FGF12: variants seen among roughly 807,000 people sequenced by gnomAD.
FGF12 encodes the protein fibroblast growth factor 12.
In FGF12, 14 loss-of-function variants were observed where a neutral mutation model predicts 23.6. The ratio of observed to expected loss-of-function variants is 0.59; its 90% confidence interval spans 0.39 to 0.93. FGF12 has a LOEUF of 0.93. Among genes scored for constraint, FGF12 ranks in the 40% least tolerant of loss-of-function variants. FGF12 has a pLI of 0.00. For missense variants in FGF12, 175 were observed against 217.8 expected, an observed-to-expected ratio of 0.80 and a Z score of 1.24; for synonymous variants, 62 against 77.3, an observed-to-expected ratio of 0.80 and a Z score of 1.04.
At chr3:192,149,108 C>T (rs1713893277) in intron 5 of FGF12, among the ~76,000 whole-genome samples, 1 of 152,124 alleles carries the variant, frequency 6.6e-6, no homozygotes, top group Admixed American at 6.5e-5. Context: ...AGTTAATATA[C>T]TTAGTTAATT....
chr3:192,646,701 G>A (rs1716017475), intron 2 of FGF12, among the ~76,000 whole-genome samples: 2 of 152,114 alleles, frequency 1.3e-5, no homozygotes, highest in South Asian at 2.1e-4. Flanking sequence ...GCTGCCAGGT[G>A]CTAGGGAGAG....
At chr3:192,208,867 G>A (rs182102170) in intron 4 of FGF12, among the ~76,000 whole-genome samples, 18 of 152,286 alleles carry the variant, frequency 1.2e-4, no homozygotes, top group African/African-American at 4.1e-4. Flanking sequence ...GTCTATAAGT[G>A]TCTCACTCGG....
intron 2 of FGF12, among the ~76,000 whole-genome samples, chr3:192,660,366 G>C (rs1167613180): frequency 3.5e-5 from 4 of 112,810 alleles, no homozygotes; most frequent in African/African-American, 1.3e-4. Context: ...GTTGTGGGGT[G>C]GGGGGAGGGG....
intron 2 of FGF12, among the ~76,000 whole-genome samples, chr3:192,596,400 A>T (rs2654692): frequency 0.33 from 50,049 of 151,796 alleles, 8,555 homozygotes; most frequent in African/African-American, 0.41. Flanking sequence ...ACACCTATTG[A>T]CTTACAATGA....
At chr3:192,321,096 A>C (rs1472891170) in intron 4 of FGF12, among the ~76,000 whole-genome samples, 1 of 152,112 alleles carries the variant, frequency 6.6e-6, no homozygotes, top group Non-Finnish European at 1.5e-5. Flanking sequence ...GAAGACCCAC[A>C]TAAGTAAAAT....
At chr3:192,594,230 T>G (rs941680671) in intron 2 of FGF12, among the ~76,000 whole-genome samples, 1 of 151,894 alleles carries the variant, frequency 6.6e-6, no homozygotes, top group Non-Finnish European at 1.5e-5. Context: ...ATGAATGGGC[T>G]AGTTTTAGAG....
At chr3:192,674,862 G>C (rs1447424514) in intron 2 of FGF12, among the ~76,000 whole-genome samples, 1 of 152,208 alleles carries the variant, frequency 6.6e-6, no homozygotes, top group Non-Finnish European at 1.5e-5. Context: ...GCCCACTGGG[G>C]TTTACAGTTT....
rs9810052 is a variant in FGF12, at chr3:192,409,030, A to G, written c.14-48492T>C. 7.3e-3 allele frequency: 7,124 copies of G among 982,450 alleles called. 392 individuals carry two copies. In the African/African-American group the frequency reaches 0.12, roughly 16 times the overall value. The allele number at this position is 982,450 out of a possible 1,614,324, so 60.9% of individuals were successfully genotyped here. On this transcript the variant is annotated intron_variant, in intron 2 of 5. Transcript: ENST00000445105. This position sits in a 1 kb window ranked among gnomAD's most constrained non-coding sequence, Gnocchi z 4.8. ...AGCTGTTTCCAGCTGCGGTGAGAGCAACTCCCGGCCAGCAGCACTGCAAAG... is the reference window on the plus strand; with the variant it reads ...AGCTGTTTCCAGCTGCGGTGAGAGCGACTCCCGGCCAGCAGCACTGCAAAG...
intron 4 of FGF12, among the ~76,000 whole-genome samples, chr3:192,331,311 C>CAAAAAAAA (rs201997868): frequency 5.2e-5 from 5 of 95,970 alleles, no homozygotes; most frequent in Admixed American, 1.2e-4. Flanking sequence ...GGAGTTTTCT[C>CAAAAAAAA]AAAAAAAAAA....
chr3:192,501,749 A>G (rs1453540723), intron 2 of FGF12, among the ~76,000 whole-genome samples: 1 of 152,264 alleles, frequency 6.6e-6, no homozygotes, highest in African/African-American at 2.4e-5. Context: ...AGTCTCTGCT[A>G]GAACAATGAC....
intron 2 of FGF12, among the ~76,000 whole-genome samples, chr3:192,631,262 A>T (rs62293029): frequency 0.33 from 49,951 of 151,918 alleles, 9,243 homozygotes; most frequent in African/African-American, 0.51. Flanking sequence ...TTCAGGCTAG[A>T]CACTAGGTCC....
intron 4 of FGF12, among the ~76,000 whole-genome samples, chr3:192,225,230 C>A (rs533948346): frequency 6.6e-6 from 1 of 152,266 alleles, no homozygotes; most frequent in African/African-American, 2.4e-5. Flanking sequence ...AATCTCAAAA[C>A]CTCAGTATGC....
At chr3:192,227,086 A>T (rs1192917934) in intron 4 of FGF12, among the ~76,000 whole-genome samples, 2 of 152,140 alleles carry the variant, frequency 1.3e-5, no homozygotes, top group Non-Finnish European at 2.9e-5. Context: ...CCCAGCTTCC[A>T]GAACTGTGAC....
rs145661621 is a variant in FGF12 at position 192,649,131 on chromosome 3, C to T, written c.13+78050G>A. Among the ~76,000 whole-genome samples the T allele has an allele frequency of 8.8e-3, 1,337 of 152,238 alleles. 25 individuals are homozygous for T. Among genetic ancestry groups the T allele is most frequent in the African/African-American group, 0.031 (1,278 of 41,526 alleles). ...AGTTGTCTTAGCTCTCAAATCAATA[C>T]GCCTATAAGTAGCCATGATATGATT... On this transcript the variant is annotated intron_variant, in intron 2 of 5. Transcript: ENST00000445105.
chr3:192,721,231 G>C (rs1303650933), intron 2 of FGF12, among the ~76,000 whole-genome samples: 1 of 152,140 alleles, frequency 6.6e-6, no homozygotes, highest in African/African-American at 2.4e-5. Context: ...AGCTAAAAAT[G>C]ATGAAAGTCA....
intron 2 of FGF12, among the ~76,000 whole-genome samples, chr3:192,704,005 C>T (rs1280139234): frequency 6.6e-6 from 1 of 152,186 alleles, no homozygotes; most frequent in Non-Finnish European, 1.5e-5. Context: ...GTCTTGAAAC[C>T]TTCAAAGTTA....
intron 2 of FGF12, among the ~76,000 whole-genome samples, chr3:192,564,874 A>G (rs1181388576): frequency 6.6e-6 from 1 of 152,252 alleles, no homozygotes; most frequent in Non-Finnish European, 1.5e-5. Context: ...TAAGCTCTTG[A>G]GACAAATTGC....
chr3:192,428,129 C>T (rs781183429), intron 2 of FGF12, among the ~76,000 whole-genome samples: 1 of 152,162 alleles, frequency 6.6e-6, no homozygotes, highest in Non-Finnish European at 1.5e-5. Context: ...AACAGGATCC[C>T]CCTCCGCCAC....
intron 2 of FGF12, among the ~76,000 whole-genome samples, chr3:192,405,415 C>A (rs1248980336): frequency 6.6e-6 from 1 of 151,252 alleles, no homozygotes; most frequent in African/African-American, 2.5e-5. Context: ...CCATCAAACA[C>A]TTGCCTTAGA....
Sources: gnomAD v4.1 joint callset for allele counts (sites outside exome capture counted in the v4.1 genomes callset) on GRCh38, gnomAD v4.1.1 for gene constraint, Gnocchi (gnomAD v3.1) non-coding constraint, MANE v1.5 for transcripts, NCBI Gene and HGNC (gene_info 2026-07-23, HGNC 2026-07-21) for gene names.